RBFOX1: variants seen among roughly 807,000 people sequenced by gnomAD.
RBFOX1 encodes the protein RNA binding fox-1 homolog 1.
A neutral mutation model predicts 57.7 loss-of-function variants in RBFOX1; 8 were observed. That is an observed-to-expected ratio of 0.14 (90% confidence interval 0.08 to 0.25). The LOEUF (loss-of-function observed/expected upper bound fraction) is 0.25, where lower values mean the gene tolerates loss of function less well. RBFOX1 is among the 10% of genes least tolerant of loss of function. The probability of loss-of-function intolerance (pLI) is 1.00; values close to 1 mark genes in which losing one functional copy is unlikely to be tolerated. For synonymous variants in RBFOX1, 326 were observed against 222.4 expected (o/e 1.47, Z -4.15); for missense variants, 611 against 548.5 (o/e 1.11, Z -1.14).
intron 3 of RBFOX1, among the ~76,000 whole-genome samples, chr16:7,015,548 C>G (rs1428060929): frequency 1.3e-5 from 2 of 152,118 alleles, no homozygotes; most frequent in Non-Finnish European, 2.9e-5. Context: ...ATTCTCAGGA[C>G]TGCTTTGGAT....
intron 3 of RBFOX1, among the ~76,000 whole-genome samples, chr16:6,698,744 G>A (rs2061412972): frequency 6.6e-6 from 1 of 152,048 alleles, no homozygotes. Flanking sequence ...CCACATCTTT[G>A]TTCTGCCCTG....
chr16:7,220,748 T>G (rs866124397), intron 4 of RBFOX1, among the ~76,000 whole-genome samples: 51 of 149,338 alleles, frequency 3.4e-4, no homozygotes, highest in South Asian at 1.7e-3. Context: ...GTGTGGAATT[T>G]CCAGGCCCAC....
chr16:7,659,427 G>GTATT (rs1262343022), intron 12 of RBFOX1, among the ~76,000 whole-genome samples: 1 of 152,084 alleles, frequency 6.6e-6, no homozygotes, highest in African/African-American at 2.4e-5. Flanking sequence ...CTTAGGAACT[G>GTATT]TATTTAGTAT....
At chr16:7,283,035 A>G (rs537219637) in intron 4 of RBFOX1, among the ~76,000 whole-genome samples, 6 of 152,040 alleles carry the variant, frequency 3.9e-5, no homozygotes, top group East Asian at 1.9e-4. Flanking sequence ...CATTTTTGCA[A>G]TTGTGAATTG....
At chr16:5,738,272 C>G (rs775326277) in intron 3 of RBFOX1, among the ~76,000 whole-genome samples, 5 of 146,068 alleles carry the variant, frequency 3.4e-5, no homozygotes, top group Non-Finnish European at 7.6e-5. Flanking sequence ...ATCCATCACC[C>G]AAGTATTTAA....
At chr16:5,827,477 G>T (rs1477024758) in intron 3 of RBFOX1, among the ~76,000 whole-genome samples, 1 of 150,590 alleles carries the variant, frequency 6.6e-6, no homozygotes, top group African/African-American at 2.5e-5. Flanking sequence ...AGTAGTTGAA[G>T]ACAACTCTCT....
intron 4 of RBFOX1, among the ~76,000 whole-genome samples, chr16:5,979,989 C>T (rs2060140275): frequency 6.6e-6 from 1 of 152,202 alleles, no homozygotes; most frequent in African/African-American, 2.4e-5. Flanking sequence ...AGAGTCCAGA[C>T]TCTTGCCTGC....
At chr16:7,700,985 C>T (rs1026240427) in intron 14 of RBFOX1, among the ~76,000 whole-genome samples, 40 of 151,768 alleles carry the variant, frequency 2.6e-4, no homozygotes, top group African/African-American at 9.2e-4. Context: ...GACAGGTATC[C>T]ATGGGCAAAA....
chr16:7,690,360 C>T (rs908268871), intron 14 of RBFOX1, among the ~76,000 whole-genome samples: 1 of 152,102 alleles, frequency 6.6e-6, no homozygotes, highest in Non-Finnish European at 1.5e-5. Context: ...GCCCGAGACC[C>T]AGTTTCAGAG....
rs1231169693 is a variant in RBFOX1, at chr16:6,775,116, G to A, written c.-16+120466G>A. On this transcript the variant is annotated intron_variant, in intron 3 of 15. Coordinates refer to ENST00000550418, the MANE Select transcript of RBFOX1 (RefSeq NM_018723.4). ...CAGGTCTGGCGGATCACGAGGTCAG[G>A]AGATCCAGACCATCCTGGCGAACAT... 4.7e-5 allele frequency among the ~76,000 whole-genome samples: 7 copies of A among 149,968 alleles called. No homozygotes were observed. The East Asian group carries it at 9.9e-4, about 21-fold the overall frequency.
intron 3 of RBFOX1, among the ~76,000 whole-genome samples, chr16:5,829,360 G>C (rs2056185996): frequency 6.6e-6 from 1 of 152,196 alleles, no homozygotes; most frequent in African/African-American, 2.4e-5. Flanking sequence ...CTTGATGACT[G>C]CGAGGAGAAT....
intron 1 of RBFOX1, among the ~76,000 whole-genome samples, chr16:6,234,427 T>C (rs1021368539): frequency 1.3e-5 from 2 of 152,324 alleles, no homozygotes; most frequent in Middle Eastern, 3.4e-3. Context: ...TTTTATTGGA[T>C]CCTTATCATT....
intron 4 of RBFOX1, among the ~76,000 whole-genome samples, chr16:7,431,035 C>A (rs1048992299): frequency 6.6e-6 from 1 of 152,144 alleles, no homozygotes; most frequent in Non-Finnish European, 1.5e-5. Context: ...AGTCTAAGCC[C>A]ACCCTGGTCC....
intron 1 of RBFOX1, among the ~76,000 whole-genome samples, chr16:5,412,777 C>T (rs536375123): frequency 5.0e-4 from 76 of 152,336 alleles, no homozygotes; most frequent in Non-Finnish European, 1.0e-3. Flanking sequence ...ATCAGCCCGC[C>T]CTAGGGCTGG....
At chr16:6,980,840 C>T (rs55808434) in intron 3 of RBFOX1, among the ~76,000 whole-genome samples, 1 of 151,946 alleles carries the variant, frequency 6.6e-6, no homozygotes, top group South Asian at 2.1e-4. Flanking sequence ...GTCAGGAGTT[C>T]AAAACCAGTC....
chr16:5,314,879 GAT>G (rs1215657750), intron 1 of RBFOX1, among the ~76,000 whole-genome samples: 3 of 150,284 alleles, frequency 2.0e-5, no homozygotes, highest in South Asian at 4.2e-4. Flanking sequence ...TTCAAGTAGT[GAT>G]ATATATGTCT....
intron 14 of RBFOX1, among the ~76,000 whole-genome samples, chr16:7,686,097 C>A (rs2076003430): frequency 6.6e-6 from 1 of 151,808 alleles, no homozygotes; most frequent in African/African-American, 2.4e-5. Context: ...GAACAGAAAG[C>A]CCCTCTAAGA....
chr16:6,599,659 C>A (rs2097825020), intron 2 of RBFOX1, among the ~76,000 whole-genome samples: 1 of 152,128 alleles, frequency 6.6e-6, no homozygotes, highest in South Asian at 2.1e-4. Flanking sequence ...TATTCAGCAG[C>A]CATATGGCAG....
At chr16:6,621,903 A>T (rs2098238465) in intron 2 of RBFOX1, among the ~76,000 whole-genome samples, 1 of 151,892 alleles carries the variant, frequency 6.6e-6, no homozygotes, top group South Asian at 2.1e-4. Context: ...ACATGATTTA[A>T]AAAAAAAGTA....
Sources: allele counts gnomAD v4.1 joint callset (sites outside exome capture counted in the v4.1 genomes callset), GRCh38; gene constraint gnomAD v4.1.1; transcripts MANE v1.5; gene names NCBI Gene and HGNC (gene_info 2026-07-23, HGNC 2026-07-21).